The following MAB21L1 variants were observed in gnomAD, a reference collection of about 807,000 sequenced individuals.
MAB21L1 encodes mab-21 like 1, also known as putative nucleotidyltransferase MAB21L1.
A neutral mutation model predicts 28.9 loss-of-function variants in MAB21L1; 8 were observed. The ratio of observed to expected loss-of-function variants is 0.28; its 90% CI spans 0.16 to 0.50. MAB21L1 has a LOEUF of 0.50. Ranked by LOEUF, MAB21L1 falls within the 20% of genes least tolerant of loss-of-function variation. The probability of loss-of-function intolerance (pLI) is 0.98; values close to 1 mark genes in which losing one functional copy is unlikely to be tolerated. For synonymous variants in MAB21L1, 219 were observed against 198.2 expected (o/e 1.10, Z -0.88); for missense variants, 388 against 466.5 (o/e 0.83, Z 1.55).
chr13:35,476,130 C>A lies in MAB21L1; in HGVS notation c.9G>T (p.Ala3=). The A allele has an allele frequency of 1.2e-6, 2 of 1,614,006 alleles. No individual in the cohort carries two copies. Among genetic ancestry groups the A allele is most frequent in the South Asian group, 2.2e-5 (2 of 91,084 alleles). ...GATGGTAGACCAGCTTGGCCTGGGC[C>A]GCAATCATGTTGGGGCAGAGATCCG... MI[A]AQAKLVYHLN... is the part of the protein sequence containing the mutation. Residue 3 remains alanine (A), a synonymous_variant, in exon 1 of 1, where the codon GCG becomes GCT. Transcript: ENST00000379919.
At position 35,475,150 on chromosome 13, in the gene MAB21L1, T is replaced by C; in HGVS notation, c.989A>G (p.Lys330Arg). ...AGCGTTTTCCAGAGCTGAGTGAGGT[T>C]TGCCTTGAAACAGATCTAAGTTCGG... is the stretch of plus-strand genomic sequence containing the variant. ...FLPNLDLFQG[K>R]PHSALENAAK... Residue 330 changes from lysine (K) to arginine (R), a missense_variant, in exon 1 of 1, where the codon AAA becomes AGA. Physicochemically the swap from Lys to Arg is conservative, Grantham distance 26 (BLOSUM62 2). Coordinates refer to ENST00000379919, the MANE Select transcript of MAB21L1 (RefSeq NM_005584.5). The C allele has an allele frequency of 6.2e-7, 1 of 1,614,068 alleles. No individual in the cohort carries two copies. Among genetic ancestry groups the C allele is most frequent in the Non-Finnish European group, 8.5e-7 (1 of 1,180,008 alleles).
Position 35,475,287 on chromosome 13 carries a change from C to G in MAB21L1, c.852G>C (p.Lys284Asn), listed in dbSNP as rs150872535. ...MKTLVSYECE[K>N]HPRESDWDES... is the part of the protein sequence containing the mutation. The stretch of plus-strand genomic sequence containing the variant: ...CGTCCCAGTCCGACTCTCGGGGATG[C>G]TTTTCACACTCGTAGGAAACCAGAG... The change falls in exon 1 of 1, where the codon AAG becomes AAC. Residue 284 changes from lysine (K) to asparagine (N), a missense_variant. Lys to Asn is a moderately conservative substitution (Grantham distance 94, BLOSUM62 0). Transcript: ENST00000379919. The G allele has an allele frequency of 6.2e-7, 1 of 1,614,044 alleles. No homozygotes were observed. Among genetic ancestry groups the G allele is most frequent in the Non-Finnish European group, 8.5e-7 (1 of 1,180,018 alleles).
rs985664292 is a variant in MAB21L1 at position 35,474,227 on chromosome 13, A to G, written c.*832T>C. On this transcript the variant is annotated 3_prime_UTR_variant, in exon 1 of 1. Coordinates refer to ENST00000379919, the MANE Select transcript of MAB21L1 (RefSeq NM_005584.5). ...CTTTTATTTTACTTCATTTATTACC[A>G]TCTAATTAAATAAAAACCAGCAACA... 2.6e-5 allele frequency: 4 copies of G among 152,610 alleles called. No homozygotes were observed. The highest frequency in any genetic ancestry group is 5.9e-5 in the Non-Finnish European group (4 of 68,018). The allele number at this position is 152,610 out of a possible 1,614,324, so 9.5% of individuals were successfully genotyped here.
At position 35,476,044 on chromosome 13, in the gene MAB21L1, C is replaced by G. The variant is rs2075847436; in HGVS notation, c.95G>C (p.Arg32Pro). 1 of 1,614,150 alleles carries G rather than the reference C, an allele frequency of 6.2e-7. No individual in the cohort carries two copies. The highest frequency in any genetic ancestry group is 8.5e-7 in the Non-Finnish European group (1 of 1,180,040). Residue 32 changes from arginine (R) to proline (P), a missense_variant, in exon 1 of 1, where the codon CGG becomes CCG. Coordinates refer to ENST00000379919, the MANE Select transcript of MAB21L1 (RefSeq NM_005584.5). ...ARKAAIAKTI[R>P]EVCKVVSDVL... ...GTCGGAAACTACTTTGCAGACTTCC[C>G]GGATAGTTTTGGCAATGGCAGCTTT...
Position 35,474,884 on chromosome 13 carries a change from T to G in MAB21L1, c.*175A>C. ...GTTTTTCTCCATCCGCTTCCCCTAC[T>G]TTTTCTCCCCTTGTGGGGGTGGGTG... On this transcript the variant is annotated 3_prime_UTR_variant, in exon 1 of 1. Transcript: ENST00000379919. 1.3e-6 allele frequency: 1 copy of G among 787,228 alleles called. No homozygotes were observed. The highest frequency in any genetic ancestry group is 2.0e-6 in the Non-Finnish European group (1 of 511,808). The allele number at this position is 787,228 out of a possible 1,614,324, so 48.8% of individuals were successfully genotyped here.
rs776234490 is a variant in MAB21L1 at position 35,475,968 on chromosome 13, G to T, written c.171C>A (p.Asn57Lys). Residue 57 changes from asparagine to lysine, a missense_variant, in exon 1 of 1, where the codon AAC becomes AAA. By Grantham distance (94) the Asn-to-Lys change is moderately conservative. Transcript: ENST00000379919. ...GGCCCTCGTAGCGATTGTCCATCTC[G>T]TTGAGAGAGCTGATGAACCGCGGCT... ...VQEPRFISSL[N>K]EMDNRYEGLE... is the part of the protein sequence containing the mutation. The T allele has an allele frequency of 8.1e-6, 13 of 1,614,060 alleles. No homozygotes were observed. The Admixed American group carries it at 2.0e-4, about 25-fold the overall frequency.
chr13:35,476,296 CCTGCTGCTGCTGCTGCTGCTGCTG>C lies in MAB21L1; in HGVS notation c.-182_-159del, dbSNP rs56240021. On this transcript the variant is annotated 5_prime_UTR_variant, in exon 1 of 1. Coordinates refer to ENST00000379919, the MANE Select transcript of MAB21L1 (RefSeq NM_005584.5). ...TCGGAAGTGCTGCAGCGTTGGTTTC[CCTGCTGCTGCTGCTGCTGCTGCTG>C]CTGCTGCTGCTGCTGCTGCTGCTGC... is the stretch of plus-strand genomic sequence containing the variant. 5,195 of 960,982 alleles carry C rather than the reference CCTGCTGCTGCTGCTGCTGCTGCTG, an allele frequency of 5.4e-3. 144 individuals carry two copies. In the African/African-American group the frequency reaches 0.063, roughly 12 times the overall value. The allele number at this position is 960,982 out of a possible 1,614,324, so 59.5% of individuals were successfully genotyped here.
In MAB21L1 at chr13:35,475,413, C is replaced by A. The variant is rs748166699; in HGVS notation, c.726G>T (p.Gln242His). The change falls in exon 1 of 1, where the codon CAG (glutamine) becomes CAT (histidine). Residue 242 changes from glutamine (Q) to histidine (H), a missense_variant. This residue lies in a region of MAB21L1 where 218 missense variants were observed against 220.6 expected (regional missense o/e 0.99). Transcript: ENST00000379919. ...GGCACTTCTTTCTGCAGCCCCCCAT[C>A]TGCAGTCTGTTCTCTGCCTCCGCGA... ...LQFAEAENRL[Q>H]MGGCRKKCLS... 5 of 1,613,792 alleles carry A rather than the reference C, an allele frequency of 3.1e-6. No homozygotes were observed. The highest frequency in any genetic ancestry group is 4.2e-6 in the Non-Finnish European group (5 of 1,179,990).
rs146029187 is a variant in MAB21L1, at chr13:35,475,443, C to T, written c.696G>A (p.Leu232=). Residue 232 remains leucine, a synonymous_variant, in exon 1 of 1, where the codon CTG becomes CTA. Transcript: ENST00000379919. ...QSSAESDAWV[L]QFAEAENRLQ... ...GTCTGTTCTCTGCCTCCGCGAACTG[C>T]AGCACCCAGGCGTCGCTCTCCGCCG... 1.8e-5 allele frequency: 29 copies of T among 1,613,232 alleles called. No individual in the cohort carries two copies. Among genetic ancestry groups the T allele is most frequent in the Middle Eastern group, 1.6e-4 (1 of 6,084 alleles).
In MAB21L1 at chr13:35,475,681, G is replaced by T; in HGVS notation, c.458C>A (p.Ala153Glu). 1 of 1,613,830 alleles carries T rather than the reference G, an allele frequency of 6.2e-7. No homozygotes were observed. Residue 153 changes from alanine (A) to glutamate (E), a missense_variant, in exon 1 of 1, where the codon GCA becomes GAA. Physicochemically the swap from Ala to Glu is moderately radical, Grantham distance 107 (BLOSUM62 -1). This residue lies in a region of MAB21L1 where 81 missense variants were observed against 153.7 expected (regional missense o/e 0.53). Coordinates refer to ENST00000379919, the MANE Select transcript of MAB21L1 (RefSeq NM_005584.5). ...CSYRDVVKMVADTSEVKLRIR... is the reference protein window; with the variant it reads ...CSYRDVVKMVEDTSEVKLRIR... The stretch of plus-strand genomic sequence containing the variant: ...TCTCAGTTTCACTTCGCTGGTGTCT[G>T]CCACCATCTTTACCACATCCCGGTA...
rs1292665760 is a variant in MAB21L1, at chr13:35,474,189, TGA to T, written c.*868_*869del. The T allele has an allele frequency of 6.6e-6, 1 of 152,606 alleles. No homozygotes were observed. Among genetic ancestry groups the T allele is most frequent in the Non-Finnish European group, 1.5e-5 (1 of 68,008 alleles). 9.5% of individuals were successfully genotyped at this position (152,606 alleles called of 1,614,324 possible). ...TCTTGTGATAGGAAACAATTTAAAG[TGA>T]GACACAACAACTTTTATTTTACTTC... On this transcript the variant is annotated 3_prime_UTR_variant, in exon 1 of 1. Transcript: ENST00000379919.
At position 35,476,074 on chromosome 13, in the gene MAB21L1, G is replaced by T; in HGVS notation, c.65C>A (p.Ala22Asp). Reference protein sequence around the residue: ...LNKYYNEKCQARKAAIAKTIR... With the variant: ...LNKYYNEKCQDRKAAIAKTIR... ...AGTTTTGGCAATGGCAGCTTTCCTGGCTTGGCATTTTTCGTTGTAGTATTT... is the reference window on the plus strand; with the variant it reads ...AGTTTTGGCAATGGCAGCTTTCCTGTCTTGGCATTTTTCGTTGTAGTATTT... The change falls in exon 1 of 1, where the codon GCC becomes GAC. Residue 22 changes from alanine (A) to aspartate (D), a missense_variant. Physicochemically the swap from Ala to Asp is moderately radical, Grantham distance 126. Transcript: ENST00000379919. 1 of 1,614,166 alleles carries T rather than the reference G, an allele frequency of 6.2e-7. No homozygotes were observed. Among genetic ancestry groups the T allele is most frequent in the Non-Finnish European group, 8.5e-7 (1 of 1,180,042 alleles).
chr13:35,475,629 G>A lies in MAB21L1; in HGVS notation c.510C>T (p.Ile170=), dbSNP rs1157908944. 6.2e-7 allele frequency: 1 copy of A among 1,613,818 alleles called. No individual in the cohort carries two copies. Among genetic ancestry groups the A allele is most frequent in the South Asian group, 1.1e-5 (1 of 91,056 alleles). ...LRIRDRYVVQ[I]TPAFKCTGIW... Reference sequence around the variant, plus strand: ...TCCCGGTGCATTTAAAGGCCGGCGTGATCTGCACCACGTACCTATCTCGGA... The same window carrying A: ...TCCCGGTGCATTTAAAGGCCGGCGTAATCTGCACCACGTACCTATCTCGGA... The change falls in exon 1 of 1, where the codon ATC becomes ATT. Residue 170 remains isoleucine, a synonymous_variant. Coordinates refer to ENST00000379919, the MANE Select transcript of MAB21L1 (RefSeq NM_005584.5).
Position 35,476,532 on chromosome 13 carries a change from G to T in MAB21L1, c.-394C>A. 1 of 617,422 alleles carries T rather than the reference G, an allele frequency of 1.6e-6. No homozygotes were observed. Among genetic ancestry groups the T allele is most frequent in the Non-Finnish European group, 2.9e-6 (1 of 344,618 alleles). The allele number at this position is 617,422 out of a possible 1,614,324, so 38.2% of individuals were successfully genotyped here. A position where few individuals can be genotyped will look rare whatever the true frequency, so the allele number is the denominator to read the frequency against. On this transcript the variant is annotated 5_prime_UTR_variant, in exon 1 of 1. In the 5' UTR this introduces an upstream ATG that the reference lacks. Transcript: ENST00000379919. ...GCTGAGACCCAGCAAAGCTCTTCCA[G>T]TAGTCAAAATAAGCACCCCTTTCCG...
In MAB21L1 at chr13:35,476,110, T is replaced by C; in HGVS notation, c.29A>G (p.Tyr10Cys). 1.2e-6 allele frequency: 2 copies of C among 1,614,220 alleles called. No individual in the cohort carries two copies. Among genetic ancestry groups the C allele is most frequent in the Non-Finnish European group, 1.7e-6 (2 of 1,180,038 alleles). Residue 10 changes from tyrosine (Y) to cysteine (C), a missense_variant, in exon 1 of 1, where the codon TAC becomes TGC. Tyr to Cys is a radical substitution (Grantham distance 194). This residue lies in a region of MAB21L1 where 89 missense variants were observed against 92.2 expected (regional missense o/e 0.97). Coordinates refer to ENST00000379919, the MANE Select transcript of MAB21L1 (RefSeq NM_005584.5). MIAAQAKLVYHLNKYYNEKC... is the reference protein window; with the variant it reads MIAAQAKLVCHLNKYYNEKC... ...TTCGTTGTAGTATTTATTCAGATGG[T>C]AGACCAGCTTGGCCTGGGCCGCAAT...
In MAB21L1 at chr13:35,475,263, G is replaced by A. The variant is rs764311301; in HGVS notation, c.876C>T (p.Asp292=). 8 of 1,613,882 alleles carry A rather than the reference G, an allele frequency of 5.0e-6. No homozygotes were observed. The South Asian group carries it at 6.6e-5, about 13-fold the overall frequency. Residue 292 remains aspartate (D), a synonymous_variant, in exon 1 of 1, where the codon GAC becomes GAT. Coordinates refer to ENST00000379919, the MANE Select transcript of MAB21L1 (RefSeq NM_005584.5). ...TCAGCCGATCACCCAGGCAAGACTC[G>A]TCCCAGTCCGACTCTCGGGGATGCT... ...CEKHPRESDW[D]ESCLGDRLNG... is the part of the protein sequence containing the mutation.
In MAB21L1 at chr13:35,475,496, A is replaced by C. The variant is rs1294186130; in HGVS notation, c.643T>G (p.Cys215Gly). ...AEGFNLLSKE[C>G]HSLAGKQSSA... Reference sequence around the variant, plus strand: ...CTCTGCTTGCCGGCCAAGGAGTGGCACTCCTTGGACAAGAGATTGAAACCT... The same window carrying C: ...CTCTGCTTGCCGGCCAAGGAGTGGCCCTCCTTGGACAAGAGATTGAAACCT... Residue 215 changes from cysteine (C) to glycine (G), a missense_variant, in exon 1 of 1, where the codon TGC becomes GGC. Around this residue, in one of 3 missense-constraint regions of MAB21L1, gnomAD observed 218 missense variants for 220.6 expected, o/e 0.99. Transcript: ENST00000379919. The C allele has an allele frequency of 6.2e-7, 1 of 1,611,426 alleles. No homozygotes were observed. The highest frequency in any genetic ancestry group is 8.5e-7 in the Non-Finnish European group (1 of 1,179,702).
chr13:35,476,408 C>CT lies in MAB21L1; in HGVS notation c.-271dup, dbSNP rs2075875251. 1 of 1,013,214 alleles carries CT rather than the reference C, an allele frequency of 9.9e-7. No individual in the cohort carries two copies. Among genetic ancestry groups the CT allele is most frequent in the African/African-American group, 1.6e-5 (1 of 63,702 alleles). 62.8% of individuals were successfully genotyped at this position (1,013,214 alleles called of 1,614,324 possible). A position where few individuals can be genotyped will look rare whatever the true frequency, so the allele number is the denominator to read the frequency against. On this transcript the variant is annotated 5_prime_UTR_variant, in exon 1 of 1. Coordinates refer to ENST00000379919, the MANE Select transcript of MAB21L1 (RefSeq NM_005584.5). The stretch of plus-strand genomic sequence containing the variant: ...GCCGTTCTTAAAGTGAAAGACTGTC[C>CT]TCCCCCCTCTGCTTGTCTCTCTTCC...
Position 35,476,569 on chromosome 13 carries a change from G to A in MAB21L1, c.-431C>T, listed in dbSNP as rs764610410. On this transcript the variant is annotated 5_prime_UTR_variant, in exon 1 of 1. Coordinates refer to ENST00000379919, the MANE Select transcript of MAB21L1 (RefSeq NM_005584.5). ...AGCACCCCTTTCCGTATTTATTTGC[G>A]CTTTCCCGTAATCATTGTGTGTGCA... 9 of 570,814 alleles carry A rather than the reference G, an allele frequency of 1.6e-5. No individual in the cohort carries two copies. Among genetic ancestry groups the A allele is most frequent in the Middle Eastern group, 5.3e-4 (1 of 1,898 alleles). 35.4% of individuals were successfully genotyped at this position (570,814 alleles called of 1,614,324 possible). A position where few individuals can be genotyped will look rare whatever the true frequency, so the allele number is the denominator to read the frequency against.
Sources: gnomAD v4.1 joint callset for allele counts on GRCh38, gnomAD v4.1.1 for gene constraint, gnomAD v4.1.1 regional missense constraint, MANE v1.5 for transcripts, NCBI Gene and HGNC (gene_info 2026-07-23, HGNC 2026-07-21) for gene names.